The following DOCK4 variants were observed in gnomAD, a reference collection of about 807,000 sequenced individuals.
DOCK4 encodes dedicator of cytokinesis protein 4.
In DOCK4, 97 loss-of-function variants were observed where a neutral mutation model predicts 268.1. The ratio of observed to expected loss-of-function variants is 0.36; its 90% CI spans 0.31 to 0.43. The LOEUF (loss-of-function observed/expected upper bound fraction) is 0.43. Among genes scored for constraint, DOCK4 ranks in the 20% least tolerant of loss-of-function variants. The pLI, the probability that DOCK4 is intolerant of heterozygous loss-of-function variation, is 1.00. For synonymous variants in DOCK4, 954 were observed against 887.2 expected, an observed-to-expected ratio of 1.08 and a Z score of -1.34; for missense variants, 2,145 against 2,455.7, an observed-to-expected ratio of 0.87 and a Z score of 2.67.
intron 1 of DOCK4, among the ~76,000 whole-genome samples, chr7:112,169,342 T>G (rs931428020): frequency 1.3e-5 from 2 of 152,170 alleles, no homozygotes; most frequent in Non-Finnish European, 2.9e-5. Flanking sequence ...TGGACTAATA[T>G]GCCATTGCTC....
intron 11 of DOCK4, among the ~76,000 whole-genome samples, chr7:111,937,407 A>C (rs1447305414): frequency 6.6e-6 from 1 of 152,236 alleles, no homozygotes; most frequent in African/African-American, 2.4e-5. Context: ...AGAATTACCC[A>C]AAACCTTATT....
intron 8 of DOCK4, among the ~76,000 whole-genome samples, chr7:111,969,583 GA>G (rs1300861663): frequency 6.7e-6 from 1 of 150,026 alleles, no homozygotes; most frequent in Non-Finnish European, 1.5e-5. Flanking sequence ...AGGCATGGTA[GA>G]AAAAGAAATC....
intron 8 of DOCK4, among the ~76,000 whole-genome samples, chr7:111,948,728 G>A (rs1250883035): frequency 1.3e-5 from 2 of 151,672 alleles, no homozygotes; most frequent in Non-Finnish European, 2.9e-5. Flanking sequence ...CTGAGTAGCT[G>A]GGATTACAGG....
chr7:111,997,515 A>G (rs1800066240), intron 4 of DOCK4, among the ~76,000 whole-genome samples: 1 of 152,190 alleles, frequency 6.6e-6, no homozygotes, highest in Admixed American at 6.6e-5. Context: ...GTTTCCCTGA[A>G]CTGAAATTTA....
At chr7:111,933,199 T>C (rs964168890) in intron 12 of DOCK4, among the ~76,000 whole-genome samples, 5 of 145,476 alleles carry the variant, frequency 3.4e-5, no homozygotes, top group African/African-American at 1.3e-4. Context: ...TATACACATA[T>C]ATACGTATAT....
intron 51 of DOCK4, among the ~76,000 whole-genome samples, chr7:111,733,253 G>A (rs1795232097): frequency 6.6e-6 from 1 of 152,220 alleles, no homozygotes; most frequent in Non-Finnish European, 1.5e-5. Context: ...CACAGATGAT[G>A]ACATAAGAAC....
intron 7 of DOCK4, among the ~76,000 whole-genome samples, chr7:111,980,504 T>C (rs140338249): frequency 1.3e-5 from 2 of 152,344 alleles, no homozygotes; most frequent in African/African-American, 4.8e-5. Context: ...TTTATTTAAC[T>C]GACTCAAATT....
intron 5 of DOCK4, among the ~76,000 whole-genome samples, chr7:111,991,962 A>T (rs959344793): frequency 5.1e-5 from 1 of 19,688 alleles, no homozygotes; most frequent in Non-Finnish European, 8.0e-5. Flanking sequence ...CTCTGTCTCC[A>T]AAAAAAAAAA....
intron 52 of DOCK4, 107 bp from the exon 53 acceptor site, chr7:111,728,827 A>T: frequency 9.1e-7 from 1 of 1,099,184 alleles, no homozygotes; most frequent in Non-Finnish European, 1.3e-6. Context: ...CAGCACCCCC[A>T]AAGCCGGCTG....
intron 1 of DOCK4, among the ~76,000 whole-genome samples, chr7:112,201,815 A>G (rs1439964408): frequency 6.6e-6 from 1 of 152,124 alleles, no homozygotes; most frequent in East Asian, 1.9e-4. Context: ...AAAACTTTGT[A>G]CACTTTGATC....
At chr7:111,794,495 T>G (rs189615965) in intron 30 of DOCK4, among the ~76,000 whole-genome samples, 3 of 152,220 alleles carry the variant, frequency 2.0e-5, no homozygotes, top group African/African-American at 7.2e-5. Context: ...AGGAGCTGAC[T>G]AAAGAGACAT....
chr7:112,019,013 T>C (rs1393180859), intron 1 of DOCK4, among the ~76,000 whole-genome samples: 10 of 152,214 alleles, frequency 6.6e-5, no homozygotes, highest in Non-Finnish European at 2.9e-5. Flanking sequence ...ACAATGTGCA[T>C]GCCCTTGGTG....
At chr7:112,174,939 C>CTTT (rs368676870) in intron 1 of DOCK4, among the ~76,000 whole-genome samples, 9 of 131,278 alleles carry the variant, frequency 6.9e-5, no homozygotes, top group African/African-American at 1.2e-4. Context: ...TCCCCTGGAA[C>CTTT]TTTTTTTTTT....
At chr7:111,931,134 C>G (rs2396454) in intron 12 of DOCK4, among the ~76,000 whole-genome samples, 33,338 of 151,954 alleles carry the variant, frequency 0.22, 5,224 homozygotes, top group African/African-American at 0.44. Context: ...ACAAGGACAG[C>G]GGAGCAGACA....
In DOCK4 at chr7:111,755,518, T is replaced by G. The variant is rs1054069983; in HGVS notation, c.4413A>C (p.Glu1471Asp). 13 of 1,613,902 alleles carry G rather than the reference T, an allele frequency of 8.1e-6. No homozygotes were observed. Among genetic ancestry groups the G allele is most frequent in the Non-Finnish European group, 1.1e-5 (13 of 1,179,848 alleles). Residue 1471 changes from glutamate to aspartate, a missense_variant, in exon 42 of 53, where the codon GAA becomes GAC. Physicochemically the swap from Glu to Asp is conservative, Grantham distance 45 (BLOSUM62 2). Transcript: ENST00000428084. ...GAGAACAAGCTCTGATCCTTACCAC[T>G]TCACGCTTTTCCACTTCAAACCAGC... ...ISRWFEVEKR[E>D]VVEMSPLENA...
chr7:112,094,858 T>A (rs1809964820), intron 1 of DOCK4, among the ~76,000 whole-genome samples: 1 of 152,146 alleles, frequency 6.6e-6, no homozygotes, highest in Non-Finnish European at 1.5e-5. Flanking sequence ...GACCCCTTGC[T>A]CCTGCTTTCA....
chr7:111,901,938 A>T (rs1222249555), intron 13 of DOCK4, 137 bp from the exon 14 acceptor site: 1 of 654,568 alleles, frequency 1.5e-6, no homozygotes, highest in Non-Finnish European at 2.5e-6. Flanking sequence ...TTGCATTTTT[A>T]TAAAAGTGTC....
chr7:112,088,611 A>C (rs1452142951), intron 1 of DOCK4, among the ~76,000 whole-genome samples: 2 of 152,086 alleles, frequency 1.3e-5, no homozygotes, highest in African/African-American at 4.8e-5. Flanking sequence ...CACAGAGCTT[A>C]AACATGTGCT....
intron 1 of DOCK4, among the ~76,000 whole-genome samples, chr7:112,186,067 T>C (rs1819476264): frequency 6.6e-6 from 1 of 152,234 alleles, no homozygotes; most frequent in African/African-American, 2.4e-5. Context: ...GCAACTTCAC[T>C]GGGACATCCT....
Sources: gnomAD v4.1 joint callset for allele counts (sites outside exome capture counted in the v4.1 genomes callset) on GRCh38, gnomAD v4.1.1 for gene constraint, MANE v1.5 for transcripts, NCBI Gene and HGNC (gene_info 2026-07-23, HGNC 2026-07-21) for gene names.